EPB41L3: variants seen among roughly 807,000 people sequenced by gnomAD.
EPB41L3 encodes band 4.1-like protein 3.
In EPB41L3, 57 loss-of-function variants were observed where a neutral mutation model predicts 127.1. The ratio of observed to expected loss-of-function variants is 0.45; its 90% CI spans 0.36 to 0.56. EPB41L3 has a LOEUF of 0.56. Ranked by LOEUF, EPB41L3 falls within the 20% of genes least tolerant of loss-of-function variation. The pLI is 0.00. For synonymous variants in EPB41L3, 572 were observed against 549.5 expected (o/e 1.04, Z -0.57); for missense variants, 1,273 against 1,372.2 (o/e 0.93, Z 1.14).
chr18:5,586,387 T>C (rs1423380363), intron 3 of EPB41L3, among the ~76,000 whole-genome samples: 1 of 132,564 alleles, frequency 7.5e-6, no homozygotes, highest in Non-Finnish European at 1.6e-5. Flanking sequence ...ATACTGTGAT[T>C]TTCTTTTTCT....
At chr18:5,441,846 T>C (rs1280856522) in intron 5 of EPB41L3, among the ~76,000 whole-genome samples, 1 of 152,240 alleles carries the variant, frequency 6.6e-6, no homozygotes, top group Non-Finnish European at 1.5e-5. Flanking sequence ...GGCAAAGTCA[T>C]ATACACTGCC....
At chr18:5,523,947 T>C (rs1053039301) in intron 1 of EPB41L3, among the ~76,000 whole-genome samples, 6 of 152,292 alleles carry the variant, frequency 3.9e-5, no homozygotes, top group Middle Eastern at 3.4e-3. Flanking sequence ...ACTATATATA[T>C]ATGATTTCTA....
chr18:5,463,139 G>C (rs1180535058), intron 3 of EPB41L3, among the ~76,000 whole-genome samples: 1 of 152,148 alleles, frequency 6.6e-6, no homozygotes, highest in Non-Finnish European at 1.5e-5. Flanking sequence ...CCTTGGTTCT[G>C]GTTCTCAGCA....
At position 5,470,407 on chromosome 18, in the gene EPB41L3, C is replaced by T. The variant is rs1186270069; in HGVS notation, c.381+7834G>A. Among the ~76,000 whole-genome samples the T allele has an allele frequency of 2.6e-5, 4 of 152,262 alleles. No individual in the cohort carries two copies. The East Asian group carries it at 7.7e-4, about 29-fold the overall frequency. On this transcript the variant is annotated intron_variant, in intron 3 of 22. Coordinates refer to ENST00000341928, the MANE Select transcript of EPB41L3 (RefSeq NM_012307.5). ...GTACAGCTCTTTGGTATCTTTTGTA[C>T]ACAATGTGGTAACATGTTTTATGGA...
chr18:5,453,334 G>A (rs185489697), intron 3 of EPB41L3, among the ~76,000 whole-genome samples: 2 of 152,302 alleles, frequency 1.3e-5, no homozygotes, highest in East Asian at 3.9e-4. Flanking sequence ...AGAGAATGAG[G>A]AGAGCAAGTT....
chr18:5,419,137 T>C (rs1298061566), intron 12 of EPB41L3, among the ~76,000 whole-genome samples: 2 of 152,214 alleles, frequency 1.3e-5, no homozygotes, highest in Admixed American at 6.5e-5. Context: ...GTTTAATGAA[T>C]TCAACACTGA....
chr18:5,559,217 C>T lies in EPB41L3; in HGVS notation c.-306+53123G>A, dbSNP rs139467538. ...CTAAGAACACAGATGATAAAGGTTT[C>T]GACAATGAAATGTTCTTATATCATT... On this transcript the variant is annotated intron_variant, in intron 3 of 21. Transcript: ENST00000545076. Among the ~76,000 whole-genome samples, 281 of 152,166 alleles carry T rather than the reference C, an allele frequency of 1.8e-3. 3 individuals are homozygous for T. Among genetic ancestry groups the T allele is most frequent in the African/African-American group, 6.3e-3 (260 of 41,494 alleles).
At chr18:5,591,721 A>G (rs1940994) in intron 3 of EPB41L3, among the ~76,000 whole-genome samples, 44,003 of 152,118 alleles carry the variant, frequency 0.29, 6,493 homozygotes, top group East Asian at 0.41. Flanking sequence ...AACATATGAG[A>G]ATCTCACTTT....
intron 2 of EPB41L3, among the ~76,000 whole-genome samples, chr18:5,486,306 T>A (rs1164644625): frequency 6.6e-6 from 1 of 152,000 alleles, no homozygotes; most frequent in Non-Finnish European, 1.5e-5. Flanking sequence ...ATTAGACCCC[T>A]ATTTCTCACC....
chr18:5,475,561 T>C (rs544387841), intron 3 of EPB41L3, among the ~76,000 whole-genome samples: 11 of 152,234 alleles, frequency 7.2e-5, no homozygotes, highest in Non-Finnish European at 1.5e-4. Context: ...TTTTGACAAC[T>C]GTAACACACT....
At chr18:5,505,783 T>A (rs1300722227) in intron 1 of EPB41L3, among the ~76,000 whole-genome samples, 11 of 22,656 alleles carry the variant, frequency 4.9e-4, no homozygotes, top group South Asian at 2.1e-3. Flanking sequence ...CTCCACCCCT[T>A]CCCTCCACAC....
At position 5,437,159 on chromosome 18, in the gene EPB41L3, C is replaced by T. The variant is rs114424557; in HGVS notation, c.605+876G>A. 2.2e-3 allele frequency among the ~76,000 whole-genome samples: 342 copies of T among 152,254 alleles called. 3 individuals are homozygous for T. Among genetic ancestry groups the T allele is most frequent in the African/African-American group, 7.7e-3 (321 of 41,564 alleles). ...CTCCTCCCCTCCAAATCCATATGTT[C>T]GAATCCTACCCTCAAGGTGATGGGA... On this transcript the variant is annotated intron_variant, in intron 6 of 22. Transcript: ENST00000341928.
At chr18:5,484,373 A>C (rs1005397396) in intron 2 of EPB41L3, among the ~76,000 whole-genome samples, 14 of 151,776 alleles carry the variant, frequency 9.2e-5, no homozygotes, top group African/African-American at 3.4e-4. Context: ...GAGAGCAATA[A>C]ACGTCTATAT....
intron 2 of EPB41L3, among the ~76,000 whole-genome samples, chr18:5,486,650 T>C (rs1324098324): frequency 6.6e-6 from 1 of 151,994 alleles, no homozygotes; most frequent in African/African-American, 2.4e-5. Flanking sequence ...AAATGAGATT[T>C]AAAAATTGAC....
rs1462763057 is a variant in EPB41L3 at position 5,505,426 on chromosome 18, TC to T, written c.-11-16233del. 3.3e-5 allele frequency among the ~76,000 whole-genome samples: 5 copies of T among 151,900 alleles called. No homozygotes were observed. The South Asian group carries it at 1.0e-3, about 32-fold the overall frequency. On this transcript the variant is annotated intron_variant, in intron 1 of 22. Transcript: ENST00000341928. ...CATCACCTCCACGCTTTCGCCTCTG[TC>T]CCCCTTCACCAGACCTCCACCTAAA...
chr18:5,506,473 T>C (rs1349416581), intron 1 of EPB41L3, among the ~76,000 whole-genome samples: 1 of 152,166 alleles, frequency 6.6e-6, no homozygotes. Context: ...TTCAAGTCTT[T>C]GCTCAGATTC....
At chr18:5,401,101 C>G in intron 16 of EPB41L3, 1 of 1,065,122 alleles carries the variant, frequency 9.4e-7, no homozygotes, top group Non-Finnish European at 1.4e-6. Flanking sequence ...TCCAAAAAGG[C>G]AAGTTAGGAA....
intron 1 of EPB41L3, among the ~76,000 whole-genome samples, chr18:5,522,618 T>C (rs780681347): frequency 6.6e-6 from 1 of 152,208 alleles, no homozygotes; most frequent in Non-Finnish European, 1.5e-5. Context: ...TTAGTCTTCA[T>C]GCCATAAAAT....
intron 1 of EPB41L3, among the ~76,000 whole-genome samples, chr18:5,493,168 T>C (rs1189919133): frequency 6.6e-6 from 1 of 152,224 alleles, no homozygotes; most frequent in East Asian, 1.9e-4. Context: ...TTAGTTTCTG[T>C]ATTCAAATTT....
Sources: gnomAD v4.1 joint callset for allele counts (sites outside exome capture counted in the v4.1 genomes callset) on GRCh38, gnomAD v4.1.1 for gene constraint, MANE v1.5 for transcripts, NCBI Gene and HGNC (gene_info 2026-07-23, HGNC 2026-07-21) for gene names.